Variants in ARHGAP27 observed in about 807,000 individuals in gnomAD.
The protein encoded by ARHGAP27 is rho GTPase-activating protein 27.
A neutral mutation model predicts 102.0 loss-of-function variants in ARHGAP27; 53 were observed. The ratio of observed to expected loss-of-function variants is 0.52; its 90% CI spans 0.42 to 0.65. ARHGAP27 has a LOEUF of 0.65. Ranked by LOEUF, ARHGAP27 falls within the 30% of genes least tolerant of loss-of-function variation. ARHGAP27 has a pLI of 0.00. For missense variants in ARHGAP27, 1,117 were observed against 1,256.2 expected, an observed-to-expected ratio of 0.89 and a Z score of 1.68; for synonymous variants, 525 against 542.8, an observed-to-expected ratio of 0.97 and a Z score of 0.46.
Position 45,405,899 on chromosome 17 carries a change from G to T in ARHGAP27, c.842C>A (p.Ala281Asp). Residue 281 changes from alanine to aspartate, a missense_variant, in exon 5 of 20, where the codon GCT (alanine) becomes GAT (aspartate). Coordinates refer to ENST00000685559, the MANE Select transcript of ARHGAP27 (RefSeq NM_001282290.2). ...GGCTGGGCTGGCGGCACCCTCGGCA[G>T]CCTCAAAGGGCGACTCCCAGGTGGT... ...GVTTWESPFE[A>D]AEGAASPATS... 3 of 1,536,006 alleles carry T rather than the reference G, an allele frequency of 2.0e-6. No individual in the cohort carries two copies. The South Asian group carries it at 3.6e-5, about 18-fold the overall frequency.
chr17:45,425,546 C>A (rs2145021952), intron 4 of ARHGAP27: 2 of 985,432 alleles, frequency 2.0e-6, no homozygotes, highest in East Asian at 1.1e-4. Context: ...CCCTAGTCCC[C>A]CAGGGGCGAG....
At chr17:45,396,157 T>C (rs2045626688) in intron 17 of ARHGAP27, 40 bp from the exon 18 acceptor site, 1 of 1,598,026 alleles carries the variant, frequency 6.3e-7, no homozygotes, top group Non-Finnish European at 8.5e-7. Flanking sequence ...GGGAAATCAG[T>C]ACCCCTTGCG....
chr17:45,429,508 G>A (rs373110438), intron 4 of ARHGAP27, 115 bp downstream of exon 4: 1 of 1,522,110 alleles, frequency 6.6e-7, no homozygotes, highest in Non-Finnish European at 8.7e-7. Flanking sequence ...TCTTCGGACA[G>A]AGGTGGGCGT....
At chr17:45,402,922 A>T (rs1295676392) in intron 11 of ARHGAP27, 104 bp from the exon 12 acceptor site, 1 of 1,031,658 alleles carries the variant, frequency 9.7e-7, no homozygotes, top group African/African-American at 1.6e-5. Flanking sequence ...TGGCCAGGAA[A>T]CAACTCTGGG....
intron 6 of ARHGAP27, 102 bp downstream of exon 6, chr17:45,404,821 CT>C: frequency 6.4e-7 from 1 of 1,558,370 alleles, no homozygotes. Flanking sequence ...GGTTTAGGCT[CT>C]GTGTGGGAGC....
chr17:45,396,385 C>T, intron 16 of ARHGAP27, 101 bp from the exon 17 acceptor site: 1 of 1,469,042 alleles, frequency 6.8e-7, no homozygotes, highest in Non-Finnish European at 9.0e-7. Flanking sequence ...CGTACTTTCC[C>T]CCTGGACCCT....
chr17:45,397,271 C>T (rs1464966187), intron 13 of ARHGAP27: 12 of 1,388,766 alleles, frequency 8.6e-6, no homozygotes, highest in Non-Finnish European at 1.1e-5. Context: ...CACACCCCTT[C>T]CTATCCTGGG....
intron 4 of ARHGAP27, among the ~76,000 whole-genome samples, chr17:45,410,914 CGAG>C (rs2047840451): frequency 6.6e-6 from 1 of 152,166 alleles, no homozygotes; most frequent in Admixed American, 6.5e-5. Context: ...GTGCCAGCCC[CGAG>C]GAGGACAGGA....
intron 18 of ARHGAP27, 21 bp from the exon 19 acceptor site, chr17:45,395,870 A>G (rs1346514636): frequency 1.3e-6 from 2 of 1,592,234 alleles, no homozygotes; most frequent in Non-Finnish European, 8.6e-7. Flanking sequence ...GAAGGTTTAG[A>G]GGGAGGGAGT....
chr17:45,402,190 G>A lies in ARHGAP27; in HGVS notation c.1743+524C>T, dbSNP rs368451634. 3.9e-5 allele frequency among the ~76,000 whole-genome samples: 6 copies of A among 152,232 alleles called. No individual in the cohort carries two copies. In the East Asian group the frequency reaches 1.2e-3, roughly 29 times the overall value. On this transcript the variant is annotated intron_variant, in intron 12 of 19. Coordinates refer to ENST00000685559, the MANE Select transcript of ARHGAP27 (RefSeq NM_001282290.2). Reference sequence around the variant, plus strand: ...TCAGGGGCAGGGAAAGGGACCTGGGGAGAAAGAGGTTTCCCAACCAGGCCT... The same window carrying A: ...TCAGGGGCAGGGAAAGGGACCTGGGAAGAAAGAGGTTTCCCAACCAGGCCT...
In ARHGAP27 at chr17:45,396,528, G is replaced by GCA; in HGVS notation, c.2131_2132insTG (p.Pro711LeufsTer62). On this transcript the variant is annotated frameshift_variant, in exon 16 of 20. Coordinates refer to ENST00000685559, the MANE Select transcript of ARHGAP27 (RefSeq NM_001282290.2). LOFTEE classifies it high-confidence loss of function. ...GCGGATGCACTGCTGCACGAAGCGTGGCACCCGGCTCCTCTCGCGCTCACA... is the reference window on the plus strand; with the variant it reads ...GCGGATGCACTGCTGCACGAAGCGTGCAGCACCCGGCTCCTCTCGCGCTCACA... The GCA allele has an allele frequency of 6.3e-7, 1 of 1,583,780 alleles. No homozygotes were observed. Among genetic ancestry groups the GCA allele is most frequent in the Non-Finnish European group, 8.5e-7 (1 of 1,170,508 alleles).
intron 12 of ARHGAP27, among the ~76,000 whole-genome samples, chr17:45,399,364 G>A (rs1245723594): frequency 5.3e-5 from 8 of 152,044 alleles, no homozygotes. Context: ...AGGCTGAGGC[G>A]GGTGGATCAT....
chr17:45,395,370 A>G lies in ARHGAP27; in HGVS notation c.*86T>C. The G allele has an allele frequency of 1.4e-6, 2 of 1,456,380 alleles. No individual in the cohort carries two copies. Among genetic ancestry groups the G allele is most frequent in the African/African-American group, 1.4e-5 (1 of 70,936 alleles). The allele number at this position is 1,456,380 out of a possible 1,614,324, so 90.2% of individuals were successfully genotyped here. A position where few individuals can be genotyped will look rare whatever the true frequency, so the allele number is the denominator to read the frequency against. ...CGGCTATGCGCTGGCGGAGGGTCCCAGAGAGAAGAAGGCCCGGCTGCGTGG... is the reference window on the plus strand; with the variant it reads ...CGGCTATGCGCTGGCGGAGGGTCCCGGAGAGAAGAAGGCCCGGCTGCGTGG... On this transcript the variant is annotated 3_prime_UTR_variant, in exon 20 of 20. Transcript: ENST00000685559.
Position 45,430,026 on chromosome 17 carries a change from G to A in ARHGAP27, c.254C>T (p.Pro85Leu), listed in dbSNP as rs1374000448. Residue 85 changes from proline to leucine, a missense_variant, in exon 4 of 20, where the codon CCC (proline) becomes CTC (leucine). This residue lies in a region of ARHGAP27 where 610 missense variants were observed against 716.4 expected (regional missense o/e 0.85). Coordinates refer to ENST00000685559, the MANE Select transcript of ARHGAP27 (RefSeq NM_001282290.2). The surrounding 1 kb of genome is among the most constrained non-coding windows in gnomAD (Gnocchi z 4.4). ...AAAPPGPHPS[P>L]AAPEPLAYDY... ...GTAGGCGAGCGGCTCAGGGGCCGCG[G>A]GGCTCGGGTGGGGACCTGGCGGCGC... 1 of 1,225,450 alleles carries A rather than the reference G, an allele frequency of 8.2e-7. No homozygotes were observed. The highest frequency in any genetic ancestry group is 1.0e-6 in the Non-Finnish European group (1 of 983,744). 75.9% of individuals were successfully genotyped at this position (1,225,450 alleles called of 1,614,324 possible).
chr17:45,414,612 A>ATTT lies in ARHGAP27; in HGVS notation c.658-8532_658-8530dup, dbSNP rs34746481. 3.1e-3 allele frequency among the ~76,000 whole-genome samples: 406 copies of ATTT among 130,294 alleles called. 2 individuals are homozygous for ATTT. Among genetic ancestry groups the ATTT allele is most frequent in the African/African-American group, 0.011 (376 of 34,780 alleles). 85.5% of individuals were successfully genotyped at this position (130,294 alleles called of 152,430 possible). A position where few individuals can be genotyped will look rare whatever the true frequency, so the allele number is the denominator to read the frequency against. ...AGGCCCACACCACCACGCCCGGCTA[A>ATTT]TTTTTTTTTTTTTTTTTTTAGAGAC... On this transcript the variant is annotated intron_variant, in intron 4 of 19. Coordinates refer to ENST00000685559, the MANE Select transcript of ARHGAP27 (RefSeq NM_001282290.2).
intron 4 of ARHGAP27, among the ~76,000 whole-genome samples, chr17:45,412,927 T>G (rs965551450): frequency 2.1e-5 from 3 of 143,618 alleles, no homozygotes; most frequent in Non-Finnish European, 4.5e-5. Flanking sequence ...GATTTGACTG[T>G]GCCTCCCAGG....
intron 4 of ARHGAP27, chr17:45,429,376 C>G (rs1443014508): frequency 1.5e-6 from 2 of 1,338,598 alleles, no homozygotes; most frequent in African/African-American, 1.6e-5. Flanking sequence ...ATTTTGCCAC[C>G]AATTGGATTA....
intron 4 of ARHGAP27, among the ~76,000 whole-genome samples, chr17:45,406,793 C>T (rs976509744): frequency 6.6e-6 from 1 of 152,196 alleles, no homozygotes; most frequent in Non-Finnish European, 1.5e-5. Flanking sequence ...TCCCACCCCA[C>T]CCCACTCTCA....
chr17:45,396,265 C>T lies in ARHGAP27; in HGVS notation c.2193G>A (p.Leu731=). Residue 731 remains leucine (L), a synonymous_variant, in exon 17 of 20, where the codon CTG becomes CTA. Coordinates refer to ENST00000685559, the MANE Select transcript of ARHGAP27 (RefSeq NM_001282290.2). ...TGGCCAGGTTTCCACTGATGCGGTA[C>T]AGCCCGTCGATGTCCAGCCCTGGGC... ...VEARGLDIDG[L]YRISGNLATI... 6.2e-7 allele frequency: 1 copy of T among 1,613,056 alleles called. No individual in the cohort carries two copies. Among genetic ancestry groups the T allele is most frequent in the Non-Finnish European group, 8.5e-7 (1 of 1,179,572 alleles).
Sources: gnomAD v4.1 joint callset for allele counts (sites outside exome capture counted in the v4.1 genomes callset) on GRCh38, gnomAD v4.1.1 for gene constraint, gnomAD v4.1.1 regional missense constraint, Gnocchi (gnomAD v3.1) non-coding constraint, MANE v1.5 for transcripts, NCBI Gene and HGNC (gene_info 2026-07-23, HGNC 2026-07-21) for gene names.